The following NALF1 variants were observed in gnomAD, a reference collection of about 807,000 sequenced individuals.
The protein encoded by NALF1 is family with sequence similarity 155 member A.
Under a neutral mutation model 48.4 loss-of-function variants are expected in NALF1, and 3 were observed. The ratio of observed to expected loss-of-function variants is 0.06; its 90% CI spans 0.03 to 0.16. NALF1 has a LOEUF of 0.16. NALF1 is among the 10% of genes least tolerant of loss of function. The pLI, the probability that NALF1 is intolerant of heterozygous loss-of-function variation, is 1.00. For synonymous variants in NALF1, 262 were observed against 245.7 expected (o/e 1.07, Z -0.62); for missense variants, 526 against 571.5 (o/e 0.92, Z 0.81).
At chr13:107,553,694 T>C (rs956143673) in intron 1 of NALF1, among the ~76,000 whole-genome samples, 2 of 152,252 alleles carry the variant, frequency 1.3e-5, no homozygotes, top group Non-Finnish European at 2.9e-5. Context: ...AATTTATAGA[T>C]ACCTTATGGA....
At chr13:107,472,485 T>G (rs1397907233) in intron 1 of NALF1, among the ~76,000 whole-genome samples, 4 of 152,126 alleles carry the variant, frequency 2.6e-5, no homozygotes, top group Non-Finnish European at 5.9e-5. Flanking sequence ...GTCAGTAGAC[T>G]GGGAGAGGCA....
At chr13:107,801,182 G>T (rs1878601675) in intron 1 of NALF1, among the ~76,000 whole-genome samples, 1 of 152,108 alleles carries the variant, frequency 6.6e-6, no homozygotes, top group Non-Finnish European at 1.5e-5. Flanking sequence ...GAAGTATTGA[G>T]AACTATAAGA....
chr13:107,570,551 ATT>A (rs922148825), intron 1 of NALF1, among the ~76,000 whole-genome samples: 108 of 142,586 alleles, frequency 7.6e-4, no homozygotes, highest in African/African-American at 2.6e-3. Context: ...CTCCATATTT[ATT>A]TTTTTCTTTT....
chr13:107,489,740 G>A (rs1056728189), intron 1 of NALF1, among the ~76,000 whole-genome samples: 1 of 152,060 alleles, frequency 6.6e-6, no homozygotes, highest in Non-Finnish European at 1.5e-5. Context: ...GGTGCCAGAT[G>A]GGATCTAATT....
chr13:107,713,632 A>T (rs557682622), intron 1 of NALF1, among the ~76,000 whole-genome samples: 1 of 152,098 alleles, frequency 6.6e-6, no homozygotes, highest in Admixed American at 6.6e-5. Context: ...GTGCTATTAT[A>T]CTCTTACCTC....
At chr13:107,789,349 A>T (rs2138585658) in intron 1 of NALF1, among the ~76,000 whole-genome samples, 1 of 152,368 alleles carries the variant, frequency 6.6e-6, no homozygotes, top group African/African-American at 2.4e-5. Flanking sequence ...TTGCTTTAAA[A>T]AGTACTTCAT....
chr13:107,818,846 T>C (rs1052203644), intron 1 of NALF1, among the ~76,000 whole-genome samples: 2 of 96,374 alleles, frequency 2.1e-5, no homozygotes, highest in East Asian at 4.4e-4. Context: ...CACTCCAGCC[T>C]GGGCGACAGA....
chr13:107,243,263 T>C (rs915179704), intron 1 of NALF1, among the ~76,000 whole-genome samples: 4 of 152,330 alleles, frequency 2.6e-5, no homozygotes, highest in African/African-American at 9.6e-5. Flanking sequence ...ACATATTTTA[T>C]GTGTTGAAAT....
chr13:107,390,042 T>C (rs1285485578), intron 1 of NALF1, among the ~76,000 whole-genome samples: 1 of 152,146 alleles, frequency 6.6e-6, no homozygotes, highest in Non-Finnish European at 1.5e-5. Flanking sequence ...GTGAAGTTAA[T>C]GGTTGGCCCA....
At chr13:107,354,175 C>T (rs1208081803) in intron 1 of NALF1, among the ~76,000 whole-genome samples, 1 of 152,100 alleles carries the variant, frequency 6.6e-6, no homozygotes, top group Admixed American at 6.6e-5. Flanking sequence ...ACTTCCCTAG[C>T]TATGTGTCAC....
chr13:107,180,994 T>C (rs1879048672), intron 2 of NALF1, among the ~76,000 whole-genome samples: 1 of 151,758 alleles, frequency 6.6e-6, no homozygotes, highest in Non-Finnish European at 1.5e-5. Flanking sequence ...GTTTATAGGA[T>C]TAGATTATTA....
intron 1 of NALF1, among the ~76,000 whole-genome samples, chr13:107,469,418 A>C (rs968772402): frequency 1.3e-5 from 2 of 152,166 alleles, no homozygotes; most frequent in East Asian, 3.9e-4. Flanking sequence ...GGAAGTGTCC[A>C]CCATGTGGTT....
At chr13:107,755,170 A>C (rs1877059773) in intron 1 of NALF1, among the ~76,000 whole-genome samples, 1 of 152,142 alleles carries the variant, frequency 6.6e-6, no homozygotes, top group Non-Finnish European at 1.5e-5. Flanking sequence ...CTATGGGCTC[A>C]GTTTAGATTC....
intron 1 of NALF1, among the ~76,000 whole-genome samples, chr13:107,305,064 A>C (rs1881909087): frequency 6.6e-6 from 1 of 152,218 alleles, no homozygotes. Context: ...GAACAAAATC[A>C]ACATTTACAT....
intron 1 of NALF1, among the ~76,000 whole-genome samples, chr13:107,780,697 C>T (rs1275507624): frequency 2.0e-5 from 3 of 151,728 alleles, no homozygotes; most frequent in Admixed American, 6.6e-5. Context: ...TTTGGGATGC[C>T]GAGGCAGGTG....
chr13:107,431,394 T>G (rs934283484), intron 1 of NALF1, among the ~76,000 whole-genome samples: 2 of 151,622 alleles, frequency 1.3e-5, no homozygotes, highest in Non-Finnish European at 2.9e-5. Flanking sequence ...CACACACACA[T>G]GCGCATGCGT....
chr13:107,250,364 A>G (rs1181862971), intron 1 of NALF1, among the ~76,000 whole-genome samples: 1 of 152,182 alleles, frequency 6.6e-6, no homozygotes, highest in African/African-American at 2.4e-5. Context: ...GTATTCACAA[A>G]AGAAGTATTC....
chr13:107,650,334 C>T (rs2138467055), intron 1 of NALF1, among the ~76,000 whole-genome samples: 1 of 143,604 alleles, frequency 7.0e-6, no homozygotes, highest in Middle Eastern at 3.8e-3. Context: ...CGAGTCTCCT[C>T]TAGCAAAATC....
At chr13:107,181,479 G>T (rs1382541846) in intron 2 of NALF1, among the ~76,000 whole-genome samples, 6 of 151,020 alleles carry the variant, frequency 4.0e-5, no homozygotes, top group African/African-American at 1.5e-4. Context: ...CTTTTTTGCT[G>T]TGTTTTGTTT....
Sources: gnomAD v4.1 joint callset for allele counts (sites outside exome capture counted in the v4.1 genomes callset) on GRCh38, gnomAD v4.1.1 for gene constraint, MANE v1.5 for transcripts, NCBI Gene and HGNC (gene_info 2026-07-23, HGNC 2026-07-21) for gene names.